PDCD11: variants seen among roughly 807,000 people sequenced by gnomAD.
The protein encoded by PDCD11 is programmed cell death 11.
PDCD11 carries 97 observed loss-of-function variants against 198.9 expected under a neutral mutation model. The ratio of observed to expected loss-of-function variants is 0.49; its 90% CI spans 0.41 to 0.58. The LOEUF (loss-of-function observed/expected upper bound fraction) is 0.58, where lower values mean the gene tolerates loss of function less well. PDCD11 is among the 20% of genes least tolerant of loss of function. The pLI is 0.00. For missense variants in PDCD11, 2,102 were observed against 2,312.7 expected (o/e 0.91, Z 1.87); for synonymous variants, 893 against 918.0 (o/e 0.97, Z 0.49).
intron 8 of PDCD11, among the ~76,000 whole-genome samples, chr10:103,410,785 T>A (rs533250277): frequency 3.2e-4 from 48 of 151,518 alleles, no homozygotes; most frequent in African/African-American, 9.4e-4. Context: ...TTAAAAAAAA[T>A]TTTTTTTAGG....
chr10:103,403,598 A>C (rs2030250574), intron 4 of PDCD11, among the ~76,000 whole-genome samples: 1 of 152,208 alleles, frequency 6.6e-6, no homozygotes, highest in African/African-American at 2.4e-5. Context: ...TGAGATGGGC[A>C]GGAGAGCCTG....
intron 19 of PDCD11, among the ~76,000 whole-genome samples, chr10:103,424,118 AT>A (rs1333860115): frequency 6.6e-6 from 1 of 152,192 alleles, no homozygotes; most frequent in Non-Finnish European, 1.5e-5. Context: ...TTGGAAACTT[AT>A]TTTTTTAAAA....
chr10:103,420,189 C>T (rs2031346742), intron 16 of PDCD11, among the ~76,000 whole-genome samples: 1 of 151,920 alleles, frequency 6.6e-6, no homozygotes, highest in African/African-American at 2.4e-5. Flanking sequence ...TGCAGCTGAG[C>T]TTTTGGCCCA....
At position 103,414,031 on chromosome 10, in the gene PDCD11, C is replaced by G. The variant is rs1425487567; in HGVS notation, c.1251C>G (p.His417Gln). The G allele has an allele frequency of 1.9e-6, 3 of 1,613,242 alleles. No individual in the cohort carries two copies. Among genetic ancestry groups the G allele is most frequent in the African/African-American group, 2.7e-5 (2 of 74,870 alleles). Reference sequence around the variant, plus strand: ...AGGCCTTCAAGCCAGGGAACACTCACAAGTGTAGAATTATTGACTACAGCC... The same window carrying G: ...AGGCCTTCAAGCCAGGGAACACTCAGAAGTGTAGAATTATTGACTACAGCC... ...NPEAFKPGNT[H>Q]KCRIIDYSQM... The change falls in exon 10 of 36, where the codon CAC becomes CAG. Residue 417 changes from histidine (H) to glutamine (Q), a missense_variant. Transcript: ENST00000369797.
chr10:103,430,893 G>C (rs938588887), intron 21 of PDCD11, among the ~76,000 whole-genome samples: 1 of 151,770 alleles, frequency 6.6e-6, no homozygotes, highest in Non-Finnish European at 1.5e-5. Flanking sequence ...CTACCTCCTG[G>C]GTTGAAGTGA....
At chr10:103,410,389 G>A in intron 8 of PDCD11, among the ~76,000 whole-genome samples, 1 of 152,086 alleles carries the variant, frequency 6.6e-6, no homozygotes, top group South Asian at 2.1e-4. Flanking sequence ...GGTGGTAGTA[G>A]TATTTTTGTT....
At position 103,439,784 on chromosome 10, in the gene PDCD11, A is replaced by G; in HGVS notation, c.4064A>G (p.His1355Arg). 2 of 1,614,064 alleles carry G rather than the reference A, an allele frequency of 1.2e-6. No homozygotes were observed. The highest frequency in any genetic ancestry group is 1.7e-6 in the Non-Finnish European group (2 of 1,180,012). The change falls in exon 28 of 36, where the codon CAT becomes CGT. Residue 1355 changes from histidine to arginine, a missense_variant. By Grantham distance (29) the His-to-Arg change is conservative. Transcript: ENST00000369797. ...GTTGTGGGTTTGGCTCGGTACTCCC[A>G]TGTCTCCCAGCACAGCCCGTCCAAG... ...PSVVGLARYS[H>R]VSQHSPSKKA...
intron 5 of PDCD11, 74 bp from the exon 6 acceptor site, chr10:103,405,911 T>C: frequency 1.3e-6 from 2 of 1,530,412 alleles, no homozygotes; most frequent in Non-Finnish European, 1.8e-6. Context: ...GGCAGGAACA[T>C]TCAAGTTTGG....
chr10:103,419,455 TC>T, intron 15 of PDCD11, 82 bp from the exon 16 acceptor site: 1 of 1,445,026 alleles, frequency 6.9e-7, no homozygotes, highest in Non-Finnish European at 9.5e-7. Context: ...TGCAGTTCTG[TC>T]CTTCTCTGTG....
intron 21 of PDCD11, 130 bp downstream of exon 21, chr10:103,427,521 G>T (rs2031750686): frequency 1.4e-6 from 1 of 712,500 alleles, no homozygotes; most frequent in Non-Finnish European, 2.4e-6. Flanking sequence ...AAGTTTTCTT[G>T]TTTCTCTAGT....
At chr10:103,430,377 T>G (rs921266137) in intron 21 of PDCD11, among the ~76,000 whole-genome samples, 1 of 152,262 alleles carries the variant, frequency 6.6e-6, no homozygotes. Flanking sequence ...AACGGACATT[T>G]AGGTTGCTTG....
intron 5 of PDCD11, chr10:103,405,399 G>T: frequency 4.9e-6 from 2 of 405,214 alleles, no homozygotes; most frequent in Non-Finnish European, 4.4e-6. Flanking sequence ...GAGAAAGCAA[G>T]TCCAAATTTC....
chr10:103,437,319 T>G (rs2032192430), intron 25 of PDCD11, among the ~76,000 whole-genome samples: 1 of 152,072 alleles, frequency 6.6e-6, no homozygotes, highest in Non-Finnish European at 1.5e-5. Context: ...TTAAAAAAGT[T>G]TTTTTATAGA....
Position 103,421,973 on chromosome 10 carries a change from CA to C in PDCD11, c.2497+425del, listed in dbSNP as rs964087668. ...TGGGTGACAGAGTGAGACTCCGTCT[CA>C]AAAAAAAAAAAAAAAAAAGAAAAAA... is the stretch of plus-strand genomic sequence containing the variant. On this transcript the variant is annotated intron_variant, in intron 17 of 35. Coordinates refer to ENST00000369797, the MANE Select transcript of PDCD11 (RefSeq NM_014976.2). Among the ~76,000 whole-genome samples the C allele has an allele frequency of 8.6e-3, 225 of 26,166 alleles. 1 individual carries two copies. Among genetic ancestry groups the C allele is most frequent in the African/African-American group, 0.023 (172 of 7,490 alleles). 17.2% of individuals were successfully genotyped at this position (26,166 alleles called of 152,430 possible). A position where few individuals can be genotyped will look rare whatever the true frequency, so the allele number is the denominator to read the frequency against.
intron 33 of PDCD11, 117 bp downstream of exon 33, chr10:103,443,450 C>G: frequency 1.3e-6 from 1 of 762,288 alleles, no homozygotes; most frequent in Non-Finnish European, 2.0e-6. Context: ...CATCGGGGCC[C>G]CAACTTCCCT....
chr10:103,434,476 G>A, intron 24 of PDCD11, 126 bp downstream of exon 24: 1 of 666,980 alleles, frequency 1.5e-6, no homozygotes, highest in Non-Finnish European at 2.6e-6. Flanking sequence ...CCTGGTGTGG[G>A]ACCTTCTTGG....
intron 1 of PDCD11, among the ~76,000 whole-genome samples, chr10:103,397,480 G>C (rs1413238645): frequency 2.0e-5 from 3 of 152,190 alleles, no homozygotes; most frequent in African/African-American, 7.2e-5. Flanking sequence ...TTGTCTCCCA[G>C]GTTGGAGTGC....
intron 15 of PDCD11, among the ~76,000 whole-genome samples, chr10:103,419,009 C>A (rs1003988605): frequency 3.3e-5 from 5 of 151,176 alleles, no homozygotes; most frequent in African/African-American, 1.2e-4. Context: ...CCTATGCCTT[C>A]TCCCCGCGGG....
intron 2 of PDCD11, 118 bp from the exon 3 acceptor site, chr10:103,400,279 G>A (rs1245750192): frequency 5.1e-6 from 4 of 791,936 alleles, no homozygotes; most frequent in Non-Finnish European, 7.8e-6. Flanking sequence ...AGTGGGATGG[G>A]GTAGGGTGGA....
Sources: gnomAD v4.1 joint callset for allele counts (sites outside exome capture counted in the v4.1 genomes callset) on GRCh38, gnomAD v4.1.1 for gene constraint, MANE v1.5 for transcripts, NCBI Gene and HGNC (gene_info 2026-07-23, HGNC 2026-07-21) for gene names.